The following DNM3 variants were observed in gnomAD, a reference collection of about 807,000 sequenced individuals.
DNM3 encodes the protein dynamin 3.
DNM3 carries 47 observed loss-of-function variants against 101.6 expected under a neutral mutation model. That is an observed-to-expected ratio of 0.46 (90% CI 0.37 to 0.59). The LOEUF (loss-of-function observed/expected upper bound fraction) is 0.59. Ranked by LOEUF, DNM3 falls within the 20% of genes least tolerant of loss-of-function variation. The probability of loss-of-function intolerance (pLI) is 0.00; values close to 1 mark genes in which losing one functional copy is unlikely to be tolerated. For synonymous variants in DNM3, 385 were observed against 387.9 expected (o/e 0.99, Z 0.09); for missense variants, 849 against 1,085.7 (o/e 0.78, Z 3.06).
intron 17 of DNM3, among the ~76,000 whole-genome samples, chr1:172,337,917 TTTTA>T (rs1346778372): frequency 1.3e-4 from 17 of 135,320 alleles, no homozygotes; most frequent in African/African-American, 3.6e-4. Context: ...TTTTATTTTA[TTTTA>T]TTTTATTATT....
chr1:171,916,919 G>T (rs1452315086), intron 1 of DNM3, among the ~76,000 whole-genome samples: 1 of 152,110 alleles, frequency 6.6e-6, no homozygotes, highest in Admixed American at 6.5e-5. Context: ...TCGTATATCT[G>T]ATTTTCTGTG....
At chr1:172,203,773 A>G (rs1240045300) in intron 14 of DNM3, among the ~76,000 whole-genome samples, 1 of 152,188 alleles carries the variant, frequency 6.6e-6, no homozygotes, top group Non-Finnish European at 1.5e-5. Context: ...GTACCAGACT[A>G]AAATTTGTAT....
At chr1:172,273,273 T>C (rs2063152722) in intron 15 of DNM3, among the ~76,000 whole-genome samples, 1 of 152,074 alleles carries the variant, frequency 6.6e-6, no homozygotes. Context: ...ATGTAGCTGT[T>C]GCAGCTAGGG....
At chr1:172,305,333 G>A (rs1384711229) in intron 15 of DNM3, among the ~76,000 whole-genome samples, 1 of 152,090 alleles carries the variant, frequency 6.6e-6, no homozygotes. Flanking sequence ...ACTAAACAAG[G>A]AAGAAGTTGA....
At chr1:172,129,172 T>G (rs908663349) in intron 13 of DNM3, among the ~76,000 whole-genome samples, 2 of 152,206 alleles carry the variant, frequency 1.3e-5, no homozygotes, top group Non-Finnish European at 2.9e-5. Context: ...GGTAATGGTC[T>G]TAGTGTGAAA....
chr1:171,865,859 T>C (rs1454413513), intron 1 of DNM3, among the ~76,000 whole-genome samples: 1 of 152,204 alleles, frequency 6.6e-6, no homozygotes, highest in Non-Finnish European at 1.5e-5. Flanking sequence ...ACTTTGGATC[T>C]TGAGTCTGTA....
chr1:172,286,046 T>C (rs149362774), intron 15 of DNM3, among the ~76,000 whole-genome samples: 1 of 146,834 alleles, frequency 6.8e-6, no homozygotes, highest in Non-Finnish European at 1.5e-5. Context: ...TCTTATTTTT[T>C]AGAACTTTTA....
rs183540004 is a variant in DNM3 at position 172,085,260 on chromosome 1, A to C, written c.1493+3358A>C. On this transcript the variant is annotated intron_variant, in intron 12 of 20. Transcript: ENST00000627582. ...CATTCTCTGCTTTAGAAAAAAAAAA[A>C]CCCTAAATTACATATATTTTTACAT... Among the ~76,000 whole-genome samples, 36 of 151,302 alleles carry C rather than the reference A, an allele frequency of 2.4e-4. 1 individual carries two copies. In the East Asian group the frequency reaches 5.8e-3, roughly 25 times the overall value.
chr1:172,307,349 T>C (rs2064875251), intron 15 of DNM3, among the ~76,000 whole-genome samples: 1 of 152,194 alleles, frequency 6.6e-6, no homozygotes, highest in African/African-American at 2.4e-5. Context: ...CCAGTTAGAA[T>C]GGCGATCAAT....
chr1:172,325,380 C>T (rs957402759), intron 17 of DNM3, among the ~76,000 whole-genome samples: 2 of 152,012 alleles, frequency 1.3e-5, no homozygotes, highest in Admixed American at 1.3e-4. Context: ...GTTTTGATTT[C>T]GAATTAAGGA....
intron 2 of DNM3, among the ~76,000 whole-genome samples, chr1:171,960,965 A>C (rs755445357): frequency 1.3e-5 from 2 of 152,036 alleles, no homozygotes; most frequent in Non-Finnish European, 2.9e-5. Flanking sequence ...GTAGTAGTGG[A>C]AGTTTGGAAT....
intron 17 of DNM3, among the ~76,000 whole-genome samples, chr1:172,327,846 T>TA (rs1477818499): frequency 1.3e-5 from 2 of 151,714 alleles, no homozygotes; most frequent in Non-Finnish European, 2.9e-5. Flanking sequence ...CATGTGAATA[T>TA]AAAAAAAAAT....
intron 13 of DNM3, among the ~76,000 whole-genome samples, chr1:172,122,440 C>T (rs1304298198): frequency 6.6e-6 from 1 of 152,160 alleles, no homozygotes; most frequent in Non-Finnish European, 1.5e-5. Context: ...TTCCTTTTAA[C>T]TGACCCAATG....
At chr1:172,246,565 G>A (rs2148665594) in intron 14 of DNM3, among the ~76,000 whole-genome samples, 1 of 152,278 alleles carries the variant, frequency 6.6e-6, no homozygotes, top group South Asian at 2.1e-4. Context: ...ATTTCTAGTG[G>A]AAGAGATAGT....
chr1:171,859,594 G>T (rs917238540), intron 1 of DNM3, among the ~76,000 whole-genome samples: 8 of 152,072 alleles, frequency 5.3e-5, no homozygotes, highest in African/African-American at 1.4e-4. Context: ...TGTGTGCCAG[G>T]CACTGTCTTA....
At chr1:171,894,239 C>T (rs1449851847) in intron 1 of DNM3, among the ~76,000 whole-genome samples, 1 of 152,088 alleles carries the variant, frequency 6.6e-6, no homozygotes, top group Non-Finnish European at 1.5e-5. Context: ...ATTACAGGCA[C>T]GAGCCACCAC....
chr1:172,013,418 T>C (rs938050731), intron 4 of DNM3, among the ~76,000 whole-genome samples: 2 of 152,144 alleles, frequency 1.3e-5, no homozygotes, highest in African/African-American at 2.4e-5. Context: ...AATTAATTTA[T>C]TCACTTAATA....
At chr1:172,304,467 A>C (rs1251766750) in intron 15 of DNM3, among the ~76,000 whole-genome samples, 1 of 152,180 alleles carries the variant, frequency 6.6e-6, no homozygotes, top group African/African-American at 2.4e-5. Flanking sequence ...AATATTAGAC[A>C]GATCAACGAG....
At chr1:172,297,392 C>G (rs1034895508) in intron 15 of DNM3, among the ~76,000 whole-genome samples, 11 of 151,922 alleles carry the variant, frequency 7.2e-5, no homozygotes, top group African/African-American at 2.4e-4. Context: ...CTTTTGTTTT[C>G]TCCCATTTCC....
Sources: gnomAD v4.1 joint callset for allele counts (sites outside exome capture counted in the v4.1 genomes callset) on GRCh38, gnomAD v4.1.1 for gene constraint, MANE v1.5 for transcripts, NCBI Gene and HGNC (gene_info 2026-07-23, HGNC 2026-07-21) for gene names.